RPTOR: variants seen among roughly 807,000 people sequenced by gnomAD.
RPTOR encodes regulatory associated protein of MTOR complex 1, also known as regulatory-associated protein of mTOR.
A neutral mutation model predicts 169.9 loss-of-function variants in RPTOR; 21 were observed. That is an observed-to-expected ratio of 0.12 (90% CI 0.09 to 0.18). The LOEUF (loss-of-function observed/expected upper bound fraction) is 0.18. RPTOR is among the 10% of genes least tolerant of loss of function. RPTOR has a pLI of 1.00. For synonymous variants in RPTOR, 732 were observed against 753.2 expected (o/e 0.97, Z 0.46); for missense variants, 1,133 against 1,855.9 (o/e 0.61, Z 7.16).
chr17:80,684,545 C>G (rs1294723542), intron 3 of RPTOR, among the ~76,000 whole-genome samples: 1 of 151,718 alleles, frequency 6.6e-6, no homozygotes, highest in Non-Finnish European at 1.5e-5. Context: ...CCCGGGTTCA[C>G]GCCATTCTCC....
chr17:80,901,326 G>C (rs888484452), intron 20 of RPTOR, among the ~76,000 whole-genome samples: 2 of 152,036 alleles, frequency 1.3e-5, no homozygotes, highest in Non-Finnish European at 2.9e-5. Flanking sequence ...CTGTCTTCTC[G>C]AAGGAGCTGG....
intron 6 of RPTOR, among the ~76,000 whole-genome samples, chr17:80,756,399 A>T (rs1351095613): frequency 6.6e-6 from 1 of 152,248 alleles, no homozygotes; most frequent in Non-Finnish European, 1.5e-5. Context: ...GTTAAGTAGG[A>T]GGAATAAGTT....
intron 10 of RPTOR, among the ~76,000 whole-genome samples, chr17:80,843,986 G>A (rs372912973): frequency 3.3e-5 from 5 of 152,186 alleles, no homozygotes; most frequent in East Asian, 1.9e-4. Context: ...CAACCCAGAC[G>A]CTCAGCCCAG....
At chr17:80,862,922 G>A (rs1045808121) in intron 13 of RPTOR, among the ~76,000 whole-genome samples, 7 of 152,164 alleles carry the variant, frequency 4.6e-5, no homozygotes, top group Non-Finnish European at 8.8e-5. Context: ...GCCGCCAGCC[G>A]GCCCTCAGGA....
chr17:80,700,427 GTGGTGGTTA>G (rs2066075462), intron 3 of RPTOR, among the ~76,000 whole-genome samples: 1 of 94,404 alleles, frequency 1.1e-5, no homozygotes, highest in African/African-American at 4.0e-5. Context: ...GATGGTGATG[GTGGTGGTTA>G]TGATGGTGGT....
intron 3 of RPTOR, among the ~76,000 whole-genome samples, chr17:80,696,321 C>G (rs2066036004): frequency 6.6e-6 from 1 of 152,136 alleles, no homozygotes; most frequent in Non-Finnish European, 1.5e-5. Context: ...ATAAAATATG[C>G]AAATAGAGTG....
intron 7 of RPTOR, among the ~76,000 whole-genome samples, chr17:80,796,759 T>A (rs2067105377): frequency 6.6e-6 from 1 of 152,250 alleles, no homozygotes; most frequent in African/African-American, 2.4e-5. Flanking sequence ...CAAAAGCACC[T>A]GTTTTAGTGT....
At chr17:80,893,479 G>C (rs970614960) in intron 19 of RPTOR, among the ~76,000 whole-genome samples, 1 of 86,326 alleles carries the variant, frequency 1.2e-5, no homozygotes, top group East Asian at 3.5e-4. Flanking sequence ...GTCTGTACGC[G>C]CCAGGGTGTG....
intron 20 of RPTOR, among the ~76,000 whole-genome samples, chr17:80,908,061 G>C (rs568233984): frequency 6.6e-6 from 1 of 152,316 alleles, no homozygotes; most frequent in African/African-American, 2.4e-5. Flanking sequence ...CTGCCTGTAG[G>C]ATTGCTGGGG....
intron 29 of RPTOR, among the ~76,000 whole-genome samples, chr17:80,958,205 C>CG (rs1166886395): frequency 2.2e-5 from 3 of 139,486 alleles, no homozygotes; most frequent in Non-Finnish European, 3.2e-5. Context: ...TCACCCCCCC[C>CG]CCCCACCACC....
intron 6 of RPTOR, among the ~76,000 whole-genome samples, chr17:80,779,022 A>G (rs1461616260): frequency 6.6e-5 from 10 of 152,184 alleles, no homozygotes; most frequent in Non-Finnish European, 1.3e-4. Flanking sequence ...CAAAACCAAG[A>G]CATACAGTTT....
intron 3 of RPTOR, among the ~76,000 whole-genome samples, chr17:80,671,034 A>AGAGCGTGGGCCCTG (rs2065817939): frequency 6.6e-6 from 1 of 152,184 alleles, no homozygotes; most frequent in Non-Finnish European, 1.5e-5. Flanking sequence ...GGCCCTGGGA[A>AGAGCGTGGGCCCTG]GAGCGTGGGC....
In RPTOR at chr17:80,923,650, A is replaced by T; in HGVS notation, c.2785A>T (p.Met929Leu). The change falls in exon 23 of 34, where the codon ATG (methionine) becomes TTG (leucine). Residue 929 changes from methionine (M) to leucine (L), a missense_variant. Physicochemically the swap from Met to Leu is conservative, Grantham distance 15 (BLOSUM62 2). Coordinates refer to ENST00000306801, the MANE Select transcript of RPTOR (RefSeq NM_020761.3). ...CCACCAGTTCCCCCGGACACGGAAG[A>T]TGTTCGACAAGGGCCCAGAGCAGGT... The part of the protein sequence containing the change: ...HSHQFPRTRK[M>L]FDKGPEQTAD... The T allele has an allele frequency of 6.2e-7, 1 of 1,606,260 alleles. No homozygotes were observed. The highest frequency in any genetic ancestry group is 8.5e-7 in the Non-Finnish European group (1 of 1,174,788).
intron 23 of RPTOR, 160 bp downstream of exon 23, chr17:80,923,833 C>G (rs910217590): frequency 1.3e-6 from 1 of 769,586 alleles, no homozygotes; most frequent in Non-Finnish European, 2.1e-6. Flanking sequence ...TTTGCAGACC[C>G]GGGTGCTGGT....
intron 1 of RPTOR, among the ~76,000 whole-genome samples, chr17:80,597,825 G>GT (rs2065155226): frequency 1.3e-5 from 2 of 149,910 alleles, no homozygotes; most frequent in Non-Finnish European, 3.0e-5. Context: ...TGTTTTTTTT[G>GT]TTTTTGGTTT....
chr17:80,554,070 AT>A (rs1399123743), intron 1 of RPTOR, among the ~76,000 whole-genome samples: 1 of 150,922 alleles, frequency 6.6e-6, no homozygotes, highest in Non-Finnish European at 1.5e-5. Context: ...GTGTGTGTAT[AT>A]TTTTTGTTGT....
chr17:80,924,034 T>A (rs2068782021), intron 23 of RPTOR: 3 of 325,214 alleles, frequency 9.2e-6, no homozygotes, highest in Non-Finnish European at 1.7e-5. Context: ...CTGCCCTTCC[T>A]GGGCACACAG....
chr17:80,958,373 G>A (rs1198921419), intron 29 of RPTOR, among the ~76,000 whole-genome samples: 3 of 149,788 alleles, frequency 2.0e-5, no homozygotes, highest in Non-Finnish European at 4.4e-5. Flanking sequence ...TTATAGGTGT[G>A]AGCCGCTACA....
intron 5 of RPTOR, among the ~76,000 whole-genome samples, chr17:80,740,766 A>G (rs942908362): frequency 1.3e-5 from 2 of 152,242 alleles, no homozygotes; most frequent in African/African-American, 4.8e-5. Context: ...AAGAACTTCA[A>G]TTTGATTTTT....
Sources: allele counts gnomAD v4.1 joint callset (sites outside exome capture counted in the v4.1 genomes callset), GRCh38; gene constraint gnomAD v4.1.1; transcripts MANE v1.5; gene names NCBI Gene and HGNC (gene_info 2026-07-23, HGNC 2026-07-21).